Variants in DMD observed in about 807,000 individuals in gnomAD.
DMD encodes the protein mutant dystrophin.
DMD carries 63 observed loss-of-function variants against 330.1 expected under a neutral mutation model. That is an observed-to-expected ratio of 0.19 (90% CI 0.16 to 0.24). The LOEUF (loss-of-function observed/expected upper bound fraction) is 0.24. DMD is among the 10% of genes least tolerant of loss of function. The probability of loss-of-function intolerance (pLI) is 1.00; values close to 1 mark genes in which losing one functional copy is unlikely to be tolerated. For synonymous variants in DMD, 1,223 were observed against 959.8 expected, an observed-to-expected ratio of 1.27 and a Z score of -5.07; for missense variants, 3,344 against 2,684.1, an observed-to-expected ratio of 1.25 and a Z score of -5.43.
intron 13 of DMD, among the ~76,000 whole-genome samples, chrX:32,585,816 C>A (rs1343734175): frequency 9.7e-6 from 1 of 103,014 alleles, no homozygotes; most frequent in Non-Finnish European, 2.0e-5. Context: ...CTTTGAGTTT[C>A]ATTTGATAAT....
At chrX:32,910,901 G>A (rs1344457369) in intron 2 of DMD, among the ~76,000 whole-genome samples, 2 of 111,723 alleles carry the variant, frequency 1.8e-5, no homozygotes, top group Non-Finnish European at 3.8e-5. Flanking sequence ...TTCAATTATG[G>A]GTATTAAACC....
chrX:32,983,359 A>G (rs1043105033), intron 2 of DMD, among the ~76,000 whole-genome samples: 1 of 110,911 alleles, frequency 9.0e-6, no homozygotes, highest in Non-Finnish European at 1.9e-5. Context: ...GATGATCTCC[A>G]CGTACATGTA....
intron 2 of DMD, among the ~76,000 whole-genome samples, chrX:32,885,876 A>T (rs2084509786): frequency 9.3e-6 from 1 of 106,991 alleles, no homozygotes; most frequent in East Asian, 2.9e-4. Context: ...GTAGGCACAC[A>T]GTTTTACTCA....
chrX:31,397,923 A>G (rs747791941), intron 60 of DMD, among the ~76,000 whole-genome samples: 2 of 112,764 alleles, frequency 1.8e-5, no homozygotes, highest in Non-Finnish European at 3.7e-5. Flanking sequence ...CAGTGGTTAT[A>G]ACAAATGCAT....
intron 1 of DMD, among the ~76,000 whole-genome samples, chrX:33,134,952 A>G (rs1224283810): frequency 9.0e-6 from 1 of 111,707 alleles, no homozygotes; most frequent in Admixed American, 9.6e-5. Context: ...ATTTCTAGAA[A>G]TAAAATAAGT....
chrX:33,234,044 T>C (rs1238215112), intron 1 of DMD, among the ~76,000 whole-genome samples: 1 of 111,676 alleles, frequency 9.0e-6, no homozygotes, highest in Non-Finnish European at 1.9e-5. Context: ...TGTCAGAGCT[T>C]GGATTCCAAT....
intron 44 of DMD, among the ~76,000 whole-genome samples, chrX:31,997,419 T>C (rs1603619655): frequency 1.1e-5 from 1 of 91,332 alleles, no homozygotes; most frequent in African/African-American, 4.7e-5. Flanking sequence ...GGCATCTCTA[T>C]TTTTTTTTGT....
intron 1 of DMD, among the ~76,000 whole-genome samples, chrX:33,049,740 AAT>A (rs1290230740): frequency 2.7e-5 from 3 of 111,583 alleles, no homozygotes; most frequent in East Asian, 2.8e-4. Flanking sequence ...TTTGAAAATT[AAT>A]ATATATGTAT....
chrX:32,477,130 C>T (rs1036040457), intron 21 of DMD, among the ~76,000 whole-genome samples: 3 of 110,747 alleles, frequency 2.7e-5, no homozygotes, highest in Non-Finnish European at 5.7e-5. Flanking sequence ...TATTCGGCTG[C>T]TAAAGGACCA....
At chrX:31,153,008 C>T (rs1449525702) in intron 74 of DMD, among the ~76,000 whole-genome samples, 1 of 112,273 alleles carries the variant, frequency 8.9e-6, no homozygotes, top group Non-Finnish European at 1.9e-5. Context: ...ATATTTTCCT[C>T]TCTTTTTAAA....
chrX:32,887,171 C>A (rs374154831), intron 2 of DMD, among the ~76,000 whole-genome samples: 16 of 109,071 alleles, frequency 1.5e-4, no homozygotes, highest in African/African-American at 5.4e-4. Flanking sequence ...CACGGTGAAA[C>A]CCCGTCTCTA....
intron 19 of DMD, among the ~76,000 whole-genome samples, chrX:32,500,051 C>G (rs761735444): frequency 1.8e-5 from 2 of 110,557 alleles, no homozygotes; most frequent in South Asian, 3.8e-4. Context: ...TCAGTTCGAC[C>G]ATATCTTTAC....
At chrX:32,146,139 A>T (rs774467349) in intron 44 of DMD, among the ~76,000 whole-genome samples, 1 of 112,173 alleles carries the variant, frequency 8.9e-6, no homozygotes, top group Non-Finnish European at 1.9e-5. Context: ...TCTCTTTCAT[A>T]TGTGCAGAGA....
At chrX:31,529,897 T>TAAA (rs369803858) in intron 55 of DMD, among the ~76,000 whole-genome samples, 9,460 of 98,500 alleles carry the variant, frequency 0.096, 516 homozygotes, top group Admixed American at 0.19. Flanking sequence ...AAGATTTCTT[T>TAAA]AAAAAAAAAA....
intron 44 of DMD, among the ~76,000 whole-genome samples, chrX:32,213,454 G>A (rs976256469): frequency 1.8e-5 from 2 of 111,941 alleles, no homozygotes; most frequent in African/African-American, 3.2e-5. Context: ...CATTATGTGC[G>A]TGTATATGTA....
chrX:32,294,188 T>C (rs1284390562), intron 42 of DMD, among the ~76,000 whole-genome samples: 2 of 112,258 alleles, frequency 1.8e-5, no homozygotes, highest in Non-Finnish European at 3.8e-5. Flanking sequence ...ATGGCAAAGA[T>C]ACATAACTCT....
At chrX:32,170,042 C>A (rs997777006) in intron 44 of DMD, among the ~76,000 whole-genome samples, 1 of 111,586 alleles carries the variant, frequency 9.0e-6, no homozygotes, top group Non-Finnish European at 1.9e-5. Context: ...ATAATCTGTG[C>A]TTTAGCAAAG....
At chrX:31,383,563 G>A (rs1319075541) in intron 60 of DMD, among the ~76,000 whole-genome samples, 1 of 112,132 alleles carries the variant, frequency 8.9e-6, no homozygotes, top group Non-Finnish European at 1.9e-5. Context: ...CTAAAAGCCT[G>A]GAACTGTGGC....
rs145588145 is a variant in DMD, at chrX:31,424,429, A to G, written c.9084+20052T>C. On this transcript the variant is annotated intron_variant, in intron 60 of 78. Transcript: ENST00000357033. ...GATACTGTGTCCTAACCATAGTTTA[A>G]TGATTATGGAATGAAGGGCTCAGCT... Among the ~76,000 whole-genome samples the G allele has an allele frequency of 7.1e-3, 789 of 111,588 alleles. 10 individuals carry two copies. The highest frequency in any genetic ancestry group is 0.024 in the African/African-American group (741 of 30,760).
Sources: gnomAD v4.1 joint callset for allele counts (sites outside exome capture counted in the v4.1 genomes callset) on GRCh38, gnomAD v4.1.1 for gene constraint, MANE v1.5 for transcripts, NCBI Gene and HGNC (gene_info 2026-07-23, HGNC 2026-07-21) for gene names.